Variants in KIF4A observed in about 807,000 individuals in gnomAD.
The protein encoded by KIF4A is kinesin family member 4A, also known as chromosome-associated kinesin KIF4A.
In KIF4A, 7 loss-of-function variants were observed where a neutral mutation model predicts 105.9. That is an observed-to-expected ratio of 0.07 (90% CI 0.04 to 0.12). KIF4A has a LOEUF of 0.12. Among genes scored for constraint, KIF4A ranks in the 10% least tolerant of loss-of-function variants. KIF4A has a pLI of 1.00. For synonymous variants in KIF4A, 281 were observed against 331.3 expected (o/e 0.85, Z 1.65); for missense variants, 558 against 929.2 (o/e 0.60, Z 5.19).
At chrX:70,388,023 TCTC>T in intron 20 of KIF4A, among the ~76,000 whole-genome samples, 1 of 111,218 alleles carries the variant, frequency 9.0e-6, no homozygotes, top group Middle Eastern at 4.6e-3. Context: ...AATCCCTTCT[TCTC>T]CTCCCTGGTC....
intron 28 of KIF4A, among the ~76,000 whole-genome samples, chrX:70,417,590 T>C (rs2086349641): frequency 9.0e-6 from 1 of 111,704 alleles, no homozygotes; most frequent in Admixed American, 9.5e-5. Context: ...GAGGTTGCAG[T>C]GAGCGGAGAT....
intron 18 of KIF4A, 35 bp downstream of exon 18, chrX:70,376,245 T>C: frequency 1.2e-6 from 1 of 830,991 alleles, no homozygotes; most frequent in Non-Finnish European, 1.8e-6. Flanking sequence ...GCCTAGGTAA[T>C]AAACCCTTCT....
chrX:70,364,343 A>G (rs1213220095), intron 15 of KIF4A, among the ~76,000 whole-genome samples: 4 of 110,051 alleles, frequency 3.6e-5, no homozygotes, highest in Admixed American at 2.9e-4. Context: ...GGTATTGCCT[A>G]GGTTTTCTTC....
chrX:70,295,599 C>T (rs1425205239), intron 3 of KIF4A, among the ~76,000 whole-genome samples: 3 of 110,574 alleles, frequency 2.7e-5, no homozygotes, highest in Non-Finnish European at 5.7e-5. Flanking sequence ...AAAATACAAA[C>T]GGGGGAAAAG....
chrX:70,346,571 T>TGTCTG (rs1405174036), intron 13 of KIF4A, among the ~76,000 whole-genome samples: 4 of 111,722 alleles, frequency 3.6e-5, no homozygotes, highest in Non-Finnish European at 5.6e-5. Flanking sequence ...TAGAGGGAGT[T>TGTCTG]GCTAGTGGTG....
chrX:70,348,970 T>C (rs1375682643), intron 13 of KIF4A, among the ~76,000 whole-genome samples: 42 of 61,138 alleles, frequency 6.9e-4, no homozygotes, highest in East Asian at 2.5e-3. Flanking sequence ...ACCTCCCAGA[T>C]GGGGCGGCCG....
intron 18 of KIF4A, among the ~76,000 whole-genome samples, chrX:70,378,481 C>T (rs1238065174): frequency 9.0e-6 from 1 of 111,535 alleles, no homozygotes; most frequent in Non-Finnish European, 1.9e-5. Flanking sequence ...GAAATCCCAG[C>T]ATTTTGGGAG....
intron 15 of KIF4A, among the ~76,000 whole-genome samples, chrX:70,369,455 A>G (rs1216429761): frequency 8.9e-6 from 1 of 112,255 alleles, no homozygotes; most frequent in Non-Finnish European, 1.9e-5. Flanking sequence ...GCAATATCAA[A>G]TGTTGACAAG....
rs369511041 is a variant in KIF4A at position 70,383,493 on chromosome X, C to T, written c.2035-3125C>T. 7.1e-5 allele frequency among the ~76,000 whole-genome samples: 8 copies of T among 111,946 alleles called. No individual in the cohort carries two copies. The East Asian group carries it at 2.2e-3, about 31-fold the overall frequency. On this transcript the variant is annotated intron_variant, in intron 18 of 30. Coordinates refer to ENST00000374403, the MANE Select transcript of KIF4A (RefSeq NM_012310.5). Reference sequence around the variant, plus strand: ...AGTTTATCAAAAGGCTAAATAAAAACGTAGAGGTACCATATGATCCAGCAA... The same window carrying T: ...AGTTTATCAAAAGGCTAAATAAAAATGTAGAGGTACCATATGATCCAGCAA...
At chrX:70,386,528 A>G in intron 18 of KIF4A, 90 bp from the exon 19 acceptor site, 1 of 664,245 alleles carries the variant, frequency 1.5e-6, no homozygotes, top group East Asian at 3.4e-5. Context: ...TAACCTTACA[A>G]ATCAAGGATG....
intron 15 of KIF4A, among the ~76,000 whole-genome samples, chrX:70,367,020 CTT>C (rs964819392): frequency 1.3e-4 from 15 of 111,774 alleles, no homozygotes; most frequent in African/African-American, 4.6e-4. Context: ...TTCCTTGTCT[CTT>C]TTGATCTTTG....
intron 18 of KIF4A, among the ~76,000 whole-genome samples, chrX:70,386,218 C>T (rs1226691842): frequency 3.6e-5 from 4 of 110,974 alleles, no homozygotes; most frequent in Non-Finnish European, 1.9e-5. Context: ...AATGGATGGA[C>T]AGGTAGGGTT....
At chrX:70,309,451 C>A (rs2085840250) in intron 7 of KIF4A, among the ~76,000 whole-genome samples, 1 of 111,704 alleles carries the variant, frequency 9.0e-6, no homozygotes, top group African/African-American at 3.2e-5. Flanking sequence ...ATGTTTTCCT[C>A]AGTCTCATTT....
intron 15 of KIF4A, among the ~76,000 whole-genome samples, chrX:70,365,138 A>G (rs1322762649): frequency 8.9e-6 from 1 of 111,797 alleles, no homozygotes; most frequent in Non-Finnish European, 1.9e-5. Flanking sequence ...TAAGGAGATT[A>G]TGTGCTGAGA....
intron 18 of KIF4A, among the ~76,000 whole-genome samples, chrX:70,382,591 A>G (rs1032767895): frequency 3.6e-5 from 4 of 112,187 alleles, no homozygotes; most frequent in African/African-American, 1.3e-4. Context: ...TAAAGTACAA[A>G]CAGCTAACCA....
intron 8 of KIF4A, among the ~76,000 whole-genome samples, chrX:70,329,900 C>G (rs2085924008): frequency 9.0e-6 from 1 of 111,179 alleles, no homozygotes; most frequent in Non-Finnish European, 1.9e-5. Context: ...TAGGCCAGGC[C>G]CCAGTTGTTT....
At chrX:70,411,205 T>A (rs1258159703) in intron 28 of KIF4A, among the ~76,000 whole-genome samples, 1 of 110,441 alleles carries the variant, frequency 9.1e-6, no homozygotes, top group Non-Finnish European at 1.9e-5. Flanking sequence ...GGTGGGAGGA[T>A]CACTTGAGCC....
chrX:70,420,285 A>T lies in KIF4A; in HGVS notation c.*20A>T. The T allele has an allele frequency of 2.5e-6, 3 of 1,183,718 alleles. No homozygotes were observed. The highest frequency in any genetic ancestry group is 3.4e-6 in the Non-Finnish European group (3 of 883,559). ...CACTGAAGTTGGAGTCATCATCTCT[A>T]CCCCCAGTCTGGCTTGGGAGATGCT... On this transcript the variant is annotated 3_prime_UTR_variant, in exon 31 of 31. Coordinates refer to ENST00000374403, the MANE Select transcript of KIF4A (RefSeq NM_012310.5).
At chrX:70,364,663 A>G (rs1248155753) in intron 15 of KIF4A, among the ~76,000 whole-genome samples, 2 of 111,536 alleles carry the variant, frequency 1.8e-5, no homozygotes, top group East Asian at 2.8e-4. Context: ...ATAGTTTGAA[A>G]TCAGGTAGCA....
Sources: gnomAD v4.1 joint callset for allele counts (sites outside exome capture counted in the v4.1 genomes callset) on GRCh38, gnomAD v4.1.1 for gene constraint, MANE v1.5 for transcripts, NCBI Gene and HGNC (gene_info 2026-07-23, HGNC 2026-07-21) for gene names.